The following KIAA1328 variants were observed in gnomAD, a reference collection of about 807,000 sequenced individuals.
The protein encoded by KIAA1328 is protein hinderin.
KIAA1328 carries 52 observed loss-of-function variants against 68.1 expected under a neutral mutation model. The observed-to-expected ratio is 0.76, with a 90% CI of 0.61 to 0.96. The LOEUF (loss-of-function observed/expected upper bound fraction) is 0.96, where lower values mean the gene tolerates loss of function less well. Ranked by LOEUF, KIAA1328 falls within the 40% of genes least tolerant of loss-of-function variation. KIAA1328 has a pLI of 0.00. For missense variants in KIAA1328, 641 were observed against 677.6 expected, an observed-to-expected ratio of 0.95 and a Z score of 0.60; for synonymous variants, 232 against 239.4, an observed-to-expected ratio of 0.97 and a Z score of 0.28.
intron 7 of KIAA1328, among the ~76,000 whole-genome samples, chr18:37,113,994 C>T (rs986766451): frequency 6.6e-6 from 1 of 152,134 alleles, no homozygotes; most frequent in Non-Finnish European, 1.5e-5. Flanking sequence ...TACAGGAGTA[C>T]CCAGATTCAT....
chr18:37,032,180 A>G (rs544513315), intron 6 of KIAA1328, among the ~76,000 whole-genome samples: 2 of 152,268 alleles, frequency 1.3e-5, no homozygotes, highest in South Asian at 2.1e-4. Flanking sequence ...ACCCTGTCTC[A>G]AAAACAAAAA....
intron 6 of KIAA1328, among the ~76,000 whole-genome samples, chr18:36,988,846 A>G (rs1181798020): frequency 1.3e-5 from 2 of 152,124 alleles, no homozygotes; most frequent in African/African-American, 4.8e-5. Context: ...TACCTTGGGC[A>G]GATTAGTTAA....
At chr18:36,928,761 G>T (rs1282423326) in intron 5 of KIAA1328, among the ~76,000 whole-genome samples, 1 of 152,066 alleles carries the variant, frequency 6.6e-6, no homozygotes, top group African/African-American at 2.4e-5. Flanking sequence ...GAGCTTCTTT[G>T]GTCTGTGTTG....
At chr18:36,925,214 GGAAAT>G (rs1404430630) in intron 5 of KIAA1328, among the ~76,000 whole-genome samples, 1 of 152,110 alleles carries the variant, frequency 6.6e-6, no homozygotes, top group African/African-American at 2.4e-5. Context: ...TTTAAGGTAA[GGAAAT>G]GGGAGGGAGG....
intron 6 of KIAA1328, among the ~76,000 whole-genome samples, chr18:36,965,046 TA>T (rs2051860867): frequency 6.6e-6 from 1 of 152,224 alleles, no homozygotes; most frequent in Admixed American, 6.5e-5. Flanking sequence ...GCATTTTGAA[TA>T]GCTTCTTCTA....
intron 3 of KIAA1328, among the ~76,000 whole-genome samples, chr18:36,836,318 ATTTG>A (rs1196359995): frequency 6.6e-6 from 1 of 152,156 alleles, no homozygotes; most frequent in African/African-American, 2.4e-5. Flanking sequence ...ATAATGGTTG[ATTTG>A]TTTTACATTG....
intron 8 of KIAA1328, among the ~76,000 whole-genome samples, chr18:37,165,028 C>T (rs1308192575): frequency 6.6e-6 from 1 of 152,144 alleles, no homozygotes; most frequent in African/African-American, 2.4e-5. Flanking sequence ...TGCCTTCTCA[C>T]TGCATCCTCA....
chr18:36,923,131 A>G (rs538294368), intron 5 of KIAA1328, among the ~76,000 whole-genome samples: 13 of 152,272 alleles, frequency 8.5e-5, no homozygotes, highest in Middle Eastern at 6.8e-3. Context: ...TGAAAACACA[A>G]CACAACCTGC....
At chr18:37,060,019 G>A (rs2056085212) in intron 6 of KIAA1328, among the ~76,000 whole-genome samples, 1 of 151,402 alleles carries the variant, frequency 6.6e-6, no homozygotes, top group Non-Finnish European at 1.5e-5. Flanking sequence ...GGGATGGGGG[G>A]CTAGGGGAGG....
At chr18:37,037,111 C>A in intron 6 of KIAA1328, among the ~76,000 whole-genome samples, 1 of 151,914 alleles carries the variant, frequency 6.6e-6, no homozygotes, top group East Asian at 1.9e-4. Context: ...TACCTGTTTT[C>A]TACAAACTGT....
intron 7 of KIAA1328, among the ~76,000 whole-genome samples, chr18:37,097,502 CA>C (rs1233653351): frequency 6.6e-6 from 1 of 152,088 alleles, no homozygotes; most frequent in Non-Finnish European, 1.5e-5. Flanking sequence ...TGAAGTCAGG[CA>C]GCACGATGCC....
chr18:36,996,187 C>T (rs1355218820), intron 6 of KIAA1328, among the ~76,000 whole-genome samples: 2 of 152,166 alleles, frequency 1.3e-5, no homozygotes, highest in African/African-American at 4.8e-5. Context: ...CTGTTAGACT[C>T]ATAATTATTT....
chr18:37,175,159 G>A (rs993317612), intron 9 of KIAA1328, among the ~76,000 whole-genome samples: 33 of 152,174 alleles, frequency 2.2e-4, no homozygotes, highest in African/African-American at 7.7e-4. Flanking sequence ...AGGTAAAGAA[G>A]GAAGATTATC....
At chr18:36,973,379 C>T (rs762701338) in intron 6 of KIAA1328, among the ~76,000 whole-genome samples, 24 of 152,050 alleles carry the variant, frequency 1.6e-4, no homozygotes, top group South Asian at 8.3e-4. Context: ...ATGTAAATGA[C>T]GAGTTAACGG....
intron 6 of KIAA1328, among the ~76,000 whole-genome samples, chr18:37,022,907 C>T (rs1280089138): frequency 5.9e-5 from 9 of 152,048 alleles, no homozygotes; most frequent in Admixed American, 5.9e-4. Flanking sequence ...TTCCTTAGTC[C>T]CTCAGGAAAA....
At chr18:36,962,165 G>A (rs1325810375) in intron 6 of KIAA1328, among the ~76,000 whole-genome samples, 1 of 152,178 alleles carries the variant, frequency 6.6e-6, no homozygotes, top group Non-Finnish European at 1.5e-5. Flanking sequence ...ACCAGGGGTT[G>A]CAATCCTAGT....
chr18:36,976,455 C>T (rs940893867), intron 6 of KIAA1328, among the ~76,000 whole-genome samples: 1 of 151,876 alleles, frequency 6.6e-6, no homozygotes, highest in African/African-American at 2.4e-5. Context: ...AAAATTATTG[C>T]GTTCCTGCTT....
chr18:36,835,321 A>T lies in KIAA1328; in HGVS notation c.182A>T (p.Asp61Val). Reference sequence around the variant, plus strand: ...AAACTTAAGACTTCCAGGGTGACTGATGCTTCAATCTCCATGGAGTCCTTA... The same window carrying T: ...AAACTTAAGACTTCCAGGGTGACTGTTGCTTCAATCTCCATGGAGTCCTTA... The part of the protein sequence containing the change: ...DVKLKTSRVT[D>V]ASISMESLKG... Residue 61 changes from aspartate to valine, a missense_variant, in exon 3 of 10, where the codon GAT becomes GTT. Coordinates refer to ENST00000280020, the MANE Select transcript of KIAA1328 (RefSeq NM_020776.3). 1 of 1,613,848 alleles carries T rather than the reference A, an allele frequency of 6.2e-7. No individual in the cohort carries two copies. The highest frequency in any genetic ancestry group is 8.5e-7 in the Non-Finnish European group (1 of 1,179,782).
intron 1 of KIAA1328, among the ~76,000 whole-genome samples, chr18:36,833,974 A>G (rs1230927648): frequency 6.6e-6 from 1 of 152,240 alleles, no homozygotes; most frequent in African/African-American, 2.4e-5. Flanking sequence ...TTTGTTTACA[A>G]AAGGAAAGGA....
Sources: gnomAD v4.1 joint callset for allele counts (sites outside exome capture counted in the v4.1 genomes callset) on GRCh38, gnomAD v4.1.1 for gene constraint, MANE v1.5 for transcripts, NCBI Gene and HGNC (gene_info 2026-07-23, HGNC 2026-07-21) for gene names.